Variants in GRM7 observed in about 807,000 individuals in gnomAD.
GRM7 encodes glutamate metabotropic receptor 7.
In GRM7, 35 loss-of-function variants were observed where a neutral mutation model predicts 84.5. That is an observed-to-expected ratio of 0.41 (90% CI 0.32 to 0.55). The LOEUF (loss-of-function observed/expected upper bound fraction) is 0.55. GRM7 is among the 20% of genes least tolerant of loss of function. The pLI is 0.19. For synonymous variants in GRM7, 487 were observed against 455.1 expected (o/e 1.07, Z -0.89); for missense variants, 1,003 against 1,194.6 (o/e 0.84, Z 2.36).
intron 5 of GRM7, among the ~76,000 whole-genome samples, chr3:7,447,433 T>C (rs1311811325): frequency 1.3e-5 from 2 of 152,158 alleles, no homozygotes; most frequent in African/African-American, 4.8e-5. Context: ...TAAATAAACC[T>C]GGAAAATACT....
intron 7 of GRM7, among the ~76,000 whole-genome samples, chr3:7,549,585 C>A (rs1210606603): frequency 1.3e-5 from 2 of 152,112 alleles, no homozygotes; most frequent in African/African-American, 4.8e-5. Context: ...GGAAGATTTT[C>A]CCAAAAGTTA....
chr3:6,998,438 C>T (rs1024590946), intron 1 of GRM7, among the ~76,000 whole-genome samples: 3 of 152,162 alleles, frequency 2.0e-5, no homozygotes, highest in African/African-American at 4.8e-5. Context: ...TTTCCAGGCA[C>T]ACAGTGCAAG....
chr3:7,561,717 A>C (rs1289058777), intron 7 of GRM7: 1 of 357,508 alleles, frequency 2.8e-6, no homozygotes, highest in Non-Finnish European at 5.7e-6. Flanking sequence ...CAAAAAAATA[A>C]GCAGATATGC....
chr3:7,465,498 G>A (rs1460724010), intron 7 of GRM7, among the ~76,000 whole-genome samples: 2 of 67,384 alleles, frequency 3.0e-5, no homozygotes, highest in African/African-American at 7.2e-5. Context: ...CAGAGCCACA[G>A]CCCAGTTGCC....
intron 1 of GRM7, among the ~76,000 whole-genome samples, chr3:6,931,352 CAT>C (rs1207719083): frequency 6.6e-6 from 1 of 152,130 alleles, no homozygotes; most frequent in Non-Finnish European, 1.5e-5. Flanking sequence ...GGAAGAGTGA[CAT>C]AGAGGACTGA....
At chr3:7,199,403 C>G (rs1289230821) in intron 2 of GRM7, among the ~76,000 whole-genome samples, 1 of 152,208 alleles carries the variant, frequency 6.6e-6, no homozygotes, top group Non-Finnish European at 1.5e-5. Context: ...GCAGAAGAAC[C>G]ACTTAGCCAA....
chr3:6,970,221 C>CAAACT (rs57307231), intron 1 of GRM7, among the ~76,000 whole-genome samples: 4 of 152,110 alleles, frequency 2.6e-5, no homozygotes, highest in Admixed American at 1.3e-4. Context: ...AAGACTTTCC[C>CAAACT]TTCCGATCTA....
At position 7,146,582 on chromosome 3, in the gene GRM7, G is replaced by A; in HGVS notation, c.650G>A (p.Gly217Asp). 2 of 1,614,034 alleles carry A rather than the reference G, an allele frequency of 1.2e-6. No homozygotes were observed. The highest frequency in any genetic ancestry group is 1.7e-6 in the Non-Finnish European group (2 of 1,179,970). The stretch of plus-strand genomic sequence containing the variant: ...ATGGTAGACATTGTAAAGGCCCTAG[G>A]CTGGAATTATGTGTCTACCCTCGCA... The part of the protein sequence containing the change: ...QAMVDIVKAL[G>D]WNYVSTLASE... Residue 217 changes from glycine (G) to aspartate (D), a missense_variant, in exon 2 of 10, where the codon GGC becomes GAC. Physicochemically the swap from Gly to Asp is moderately conservative, Grantham distance 94 (BLOSUM62 -1). Transcript: ENST00000357716.
At chr3:6,953,565 C>T (rs192154036) in intron 1 of GRM7, among the ~76,000 whole-genome samples, 10 of 152,336 alleles carry the variant, frequency 6.6e-5, no homozygotes, top group East Asian at 3.9e-4. Context: ...CATCCACTCA[C>T]GCTCTTAAGG....
intron 7 of GRM7, among the ~76,000 whole-genome samples, chr3:7,550,124 T>C (rs145870934): frequency 4.8e-4 from 73 of 152,096 alleles, no homozygotes; most frequent in African/African-American, 1.6e-3. Flanking sequence ...AGTAATGGAT[T>C]TAAGTGCTGT....
At chr3:7,360,386 A>G (rs1413800409) in intron 4 of GRM7, among the ~76,000 whole-genome samples, 1 of 125,246 alleles carries the variant, frequency 8.0e-6, no homozygotes, top group Non-Finnish European at 1.7e-5. Context: ...GTATTCTCTA[A>G]GGAAATGAAA....
intron 1 of GRM7, among the ~76,000 whole-genome samples, chr3:6,993,199 G>A (rs1694708706): frequency 6.6e-6 from 1 of 152,132 alleles, no homozygotes; most frequent in Admixed American, 6.5e-5. Context: ...ACTATCATGA[G>A]AATCCCATGG....
intron 5 of GRM7, among the ~76,000 whole-genome samples, chr3:7,438,424 A>T (rs909473818): frequency 2.6e-5 from 4 of 152,006 alleles, no homozygotes; most frequent in Non-Finnish European, 4.4e-5. Context: ...TATCAGTGAG[A>T]ATCCAAGCAG....
chr3:7,656,547 GCACACACACACA>G (rs36040422), intron 8 of GRM7, among the ~76,000 whole-genome samples: 67 of 139,298 alleles, frequency 4.8e-4, no homozygotes, highest in Non-Finnish European at 7.0e-4. Context: ...ATACGCGCGC[GCACACACACACA>G]CACACACACA....
intron 2 of GRM7, among the ~76,000 whole-genome samples, chr3:7,166,544 G>A (rs1463392647): frequency 6.6e-6 from 1 of 152,146 alleles, no homozygotes; most frequent in African/African-American, 2.4e-5. Flanking sequence ...TTATTTTGGT[G>A]TCATATAGAC....
chr3:7,198,399 C>T (rs891020999), intron 2 of GRM7, among the ~76,000 whole-genome samples: 3 of 152,080 alleles, frequency 2.0e-5, no homozygotes, highest in African/African-American at 7.2e-5. Flanking sequence ...TGGGAGGCTT[C>T]TAGGGTACTG....
At chr3:7,029,711 G>C (rs1696122035) in intron 1 of GRM7, among the ~76,000 whole-genome samples, 2 of 152,192 alleles carry the variant, frequency 1.3e-5, no homozygotes, top group African/African-American at 4.8e-5. Flanking sequence ...GGTAGGGAGA[G>C]AGGAACGAGG....
chr3:7,652,250 G>GA (rs954471235), intron 8 of GRM7, among the ~76,000 whole-genome samples: 1 of 152,154 alleles, frequency 6.6e-6, no homozygotes, highest in African/African-American at 2.4e-5. Flanking sequence ...GTAAAAACAG[G>GA]ACCGTCCATG....
Position 6,861,276 on chromosome 3 carries a change from T to A in GRM7, c.-113T>A, listed in dbSNP as rs1192613517. On this transcript the variant is annotated 5_prime_UTR_variant, in exon 1 of 10. Transcript: ENST00000357716. The surrounding 1 kb of genome is among the most constrained non-coding windows in gnomAD (Gnocchi z 6.4). The stretch of plus-strand genomic sequence containing the variant: ...CCCGGATTCCCCCACCCTCCGTGCC[T>A]GCAGGAGCCCCTGGGCTTTCCCGGA... 3.4e-6 allele frequency: 3 copies of A among 887,046 alleles called. No individual in the cohort carries two copies. The African/African-American group carries it at 5.3e-5, about 16-fold the overall frequency. The allele number at this position is 887,046 out of a possible 1,614,324, so 54.9% of individuals were successfully genotyped here.
Sources: gnomAD v4.1 joint callset for allele counts (sites outside exome capture counted in the v4.1 genomes callset) on GRCh38, gnomAD v4.1.1 for gene constraint, Gnocchi (gnomAD v3.1) non-coding constraint, MANE v1.5 for transcripts, NCBI Gene and HGNC (gene_info 2026-07-23, HGNC 2026-07-21) for gene names.